The following NLK variants were observed in gnomAD, a reference collection of about 807,000 sequenced individuals.
NLK encodes serine/threonine-protein kinase NLK.
Under a neutral mutation model 59.0 loss-of-function variants are expected in NLK, and 11 were observed. The observed-to-expected ratio is 0.19, with a 90% confidence interval of 0.12 to 0.31. The LOEUF is 0.31. Ranked by LOEUF, NLK falls within the 10% of genes least tolerant of loss-of-function variation. NLK has a pLI of 1.00. For missense variants in NLK, 410 were observed against 661.1 expected, an observed-to-expected ratio of 0.62 and a Z score of 4.16; for synonymous variants, 235 against 235.9, an observed-to-expected ratio of 1.00 and a Z score of 0.03.
intron 1 of NLK, among the ~76,000 whole-genome samples, chr17:28,119,900 T>C (rs1180844716): frequency 6.6e-6 from 1 of 152,178 alleles, no homozygotes; most frequent in Non-Finnish European, 1.5e-5. Flanking sequence ...AATCTAGTTA[T>C]GAGAAAACAA....
At chr17:28,175,956 G>A (rs1363769047) in intron 7 of NLK, among the ~76,000 whole-genome samples, 2 of 152,122 alleles carry the variant, frequency 1.3e-5, no homozygotes, top group East Asian at 1.9e-4. Flanking sequence ...AATTGATGCA[G>A]AAAAGGCATT....
intron 4 of NLK, among the ~76,000 whole-genome samples, chr17:28,162,918 CA>C (rs34292175): frequency 1.7e-3 from 194 of 117,552 alleles, no homozygotes; most frequent in Admixed American, 1.7e-3. Context: ...GACCCTGTCT[CA>C]AAAAAAAAAA....
intron 1 of NLK, among the ~76,000 whole-genome samples, chr17:28,110,940 G>A (rs1395376990): frequency 6.6e-6 from 1 of 150,672 alleles, no homozygotes; most frequent in African/African-American, 2.4e-5. Context: ...CGCCTCCCGG[G>A]TTCACGCCAT....
At chr17:28,193,964 C>T (rs572218567) in intron 10 of NLK, among the ~76,000 whole-genome samples, 8 of 152,270 alleles carry the variant, frequency 5.3e-5, no homozygotes, top group African/African-American at 1.4e-4. Context: ...ACTTTTCCCT[C>T]TCAAGTTTAT....
intron 1 of NLK, among the ~76,000 whole-genome samples, chr17:28,100,666 T>G (rs1264906407): frequency 6.6e-6 from 1 of 152,202 alleles, no homozygotes; most frequent in Non-Finnish European, 1.5e-5. Context: ...TGCCTTTTCA[T>G]TTTCTTAACA....
chr17:28,169,106 G>A (rs1479357247), intron 6 of NLK, among the ~76,000 whole-genome samples: 2 of 151,888 alleles, frequency 1.3e-5, no homozygotes, highest in African/African-American at 4.8e-5. Context: ...GGCTGGTCTC[G>A]AACTCCTGAC....
At chr17:28,139,054 G>A (rs772338126) in intron 3 of NLK, among the ~76,000 whole-genome samples, 31 of 152,170 alleles carry the variant, frequency 2.0e-4, no homozygotes, top group African/African-American at 2.9e-4. Flanking sequence ...TCAGGAGCTC[G>A]AGACCTGTCT....
chr17:28,142,076 C>T (rs766474489), intron 3 of NLK, among the ~76,000 whole-genome samples: 6 of 152,158 alleles, frequency 3.9e-5, no homozygotes, highest in Non-Finnish European at 8.8e-5. Context: ...TTTAAAATAA[C>T]ATCATTTTCT....
At position 28,181,413 on chromosome 17, in the gene NLK, C is replaced by CA. The variant is rs374310892; in HGVS notation, c.1150-3757dup. Among the ~76,000 whole-genome samples, 151 of 148,764 alleles carry CA rather than the reference C, an allele frequency of 1.0e-3. 1 individual carries two copies. The highest frequency in any genetic ancestry group is 3.3e-3 in the African/African-American group (135 of 40,514). ...GCAAGACTTTGCCTCAAAAAAGAAA[C>CA]AAAAAAAAAGCCAGCCGTGGTGGCA... On this transcript the variant is annotated intron_variant, in intron 7 of 10. Transcript: ENST00000407008.
At chr17:28,122,499 G>C in intron 1 of NLK, 104 bp from the exon 2 acceptor site, 2 of 1,224,264 alleles carry the variant, frequency 1.6e-6, no homozygotes. Flanking sequence ...AATGTTGAGT[G>C]TTTTAAGATA....
chr17:28,070,576 C>T (rs1420673685), intron 1 of NLK, among the ~76,000 whole-genome samples: 1 of 151,830 alleles, frequency 6.6e-6, no homozygotes, highest in Non-Finnish European at 1.5e-5. Context: ...TGGTCTTGAT[C>T]TCTTGACCTT....
At chr17:28,144,071 G>A (rs1317991283) in intron 3 of NLK, among the ~76,000 whole-genome samples, 5 of 151,682 alleles carry the variant, frequency 3.3e-5, no homozygotes, top group African/African-American at 1.2e-4. Flanking sequence ...AGACTATGTT[G>A]GCAGGCCTGA....
intron 1 of NLK, chr17:28,048,712 T>C (rs1909146328): frequency 6.6e-6 from 1 of 152,228 alleles, no homozygotes; most frequent in Non-Finnish European, 1.5e-5. Flanking sequence ...GTCAGAGTTT[T>C]CTCTGCCTTC....
At chr17:28,099,858 G>A (rs971150679) in intron 1 of NLK, among the ~76,000 whole-genome samples, 14 of 152,068 alleles carry the variant, frequency 9.2e-5, no homozygotes, top group African/African-American at 2.9e-4. Flanking sequence ...GATTACAGGC[G>A]TGAGCCACCG....
intron 2 of NLK, among the ~76,000 whole-genome samples, chr17:28,131,856 G>A (rs1906532791): frequency 6.6e-6 from 1 of 152,070 alleles, no homozygotes; most frequent in South Asian, 2.1e-4. Context: ...AAGAATCTTG[G>A]AATAAAATCA....
intron 9 of NLK, 56 bp from the exon 10 acceptor site, chr17:28,192,064 A>T: frequency 3.0e-6 from 3 of 998,846 alleles, no homozygotes; most frequent in Non-Finnish European, 4.6e-6. Flanking sequence ...CTGAGAATTC[A>T]CTGCTCCCGG....
chr17:28,042,748 G>A lies in NLK; in HGVS notation c.-126G>A. ...ACACCAAGATCCTCTAACTTGTTTGGATTGACTGATGAAGACATAAAGCTC... is the reference window on the plus strand; with the variant it reads ...ACACCAAGATCCTCTAACTTGTTTGAATTGACTGATGAAGACATAAAGCTC... On this transcript the variant is annotated 5_prime_UTR_variant, in exon 1 of 11. Transcript: ENST00000407008. 4 of 857,254 alleles carry A rather than the reference G, an allele frequency of 4.7e-6. No homozygotes were observed. The South Asian group carries it at 8.3e-5, about 18-fold the overall frequency. 53.1% of individuals were successfully genotyped at this position (857,254 alleles called of 1,614,324 possible).
chr17:28,114,983 A>T (rs1905699448), intron 1 of NLK, among the ~76,000 whole-genome samples: 1 of 152,230 alleles, frequency 6.6e-6, no homozygotes, highest in Non-Finnish European at 1.5e-5. Flanking sequence ...AGCAGGAAGA[A>T]TAAAGGGAAG....
At chr17:28,117,738 CTCTT>C (rs1905842539) in intron 1 of NLK, among the ~76,000 whole-genome samples, 2 of 152,120 alleles carry the variant, frequency 1.3e-5, no homozygotes, top group Non-Finnish European at 1.5e-5. Context: ...GGAAAAGGAT[CTCTT>C]TCTTATGCAT....
Sources: allele counts gnomAD v4.1 joint callset (sites outside exome capture counted in the v4.1 genomes callset), GRCh38; gene constraint gnomAD v4.1.1; transcripts MANE v1.5; gene names NCBI Gene and HGNC (gene_info 2026-07-23, HGNC 2026-07-21).